Variants in NWD2 observed in about 807,000 individuals in gnomAD.
NWD2 encodes the protein NACHT and WD repeat domain containing 2.
Under a neutral mutation model 132.7 loss-of-function variants are expected in NWD2, and 37 were observed. The observed-to-expected ratio is 0.28, with a 90% confidence interval of 0.21 to 0.37. The LOEUF is 0.37. Among genes scored for constraint, NWD2 ranks in the 10% least tolerant of loss-of-function variants. NWD2 has a pLI of 1.00. For synonymous variants in NWD2, 705 were observed against 803.0 expected, an observed-to-expected ratio of 0.88 and a Z score of 2.06; for missense variants, 1,592 against 2,122.4, an observed-to-expected ratio of 0.75 and a Z score of 4.91.
At chr4:37,272,326 C>T (rs186498170) in intron 1 of NWD2, among the ~76,000 whole-genome samples, 78 of 151,770 alleles carry the variant, frequency 5.1e-4, no homozygotes, top group African/African-American at 1.8e-3. Flanking sequence ...AGAAGTGTTC[C>T]TACCACCTCT....
At chr4:37,328,087 C>T (rs916279545) in intron 2 of NWD2, among the ~76,000 whole-genome samples, 5 of 151,976 alleles carry the variant, frequency 3.3e-5, no homozygotes, top group African/African-American at 1.2e-4. Flanking sequence ...CCCTGTGGGC[C>T]TCTTTTGGAT....
chr4:37,315,671 C>T (rs1301232436), intron 1 of NWD2, among the ~76,000 whole-genome samples: 1 of 151,986 alleles, frequency 6.6e-6, no homozygotes, highest in Non-Finnish European at 1.5e-5. Context: ...AATATTTATT[C>T]CATTTTTATT....
chr4:37,265,201 A>G (rs74892297), intron 1 of NWD2, among the ~76,000 whole-genome samples: 4,262 of 152,200 alleles, frequency 0.028, 99 homozygotes, highest in East Asian at 0.1. Flanking sequence ...CAAGATCCAG[A>G]TATAAAATGA....
intron 1 of NWD2, among the ~76,000 whole-genome samples, chr4:37,280,913 C>T (rs1718114003): frequency 6.6e-6 from 1 of 152,162 alleles, no homozygotes; most frequent in Non-Finnish European, 1.5e-5. Flanking sequence ...TCCTTTCTCC[C>T]TGTGGCCTGG....
chr4:37,445,312 G>T lies in NWD2; in HGVS notation c.3324G>T (p.Leu1108=). ...WYEVTCVQCS[L]DGLYAFCGQY... Reference sequence around the variant, plus strand: ...AAGTGACGTGCGTCCAGTGCTCCCTGGATGGTCTGTATGCTTTCTGTGGCC... The same window carrying T: ...AAGTGACGTGCGTCCAGTGCTCCCTTGATGGTCTGTATGCTTTCTGTGGCC... Residue 1108 remains leucine (L), a synonymous_variant, in exon 7 of 7, where the codon CTG becomes CTT. Coordinates refer to ENST00000309447, the MANE Select transcript of NWD2 (RefSeq NM_001144990.2). The surrounding 1 kb of genome is among the most constrained non-coding windows in gnomAD (Gnocchi z 4.7). The T allele has an allele frequency of 1.3e-6, 2 of 1,552,096 alleles. No homozygotes were observed. The highest frequency in any genetic ancestry group is 1.7e-6 in the Non-Finnish European group (2 of 1,147,090).
At chr4:37,441,918 A>G (rs773189350) in intron 6 of NWD2, among the ~76,000 whole-genome samples, 2 of 152,196 alleles carry the variant, frequency 1.3e-5, no homozygotes, top group African/African-American at 2.4e-5. Context: ...CAGACATCAC[A>G]TGTTCAGCAA....
Position 37,448,483 on chromosome 4 carries a change from T to C in NWD2, c.*1266T>C, listed in dbSNP as rs1712702137. 6.6e-6 allele frequency: 1 copy of C among 152,236 alleles called. No homozygotes were observed. Among genetic ancestry groups the C allele is most frequent in the Admixed American group, 6.5e-5 (1 of 15,290 alleles). The allele number at this position is 152,236 out of a possible 1,614,324, so 9.4% of individuals were successfully genotyped here. A position where few individuals can be genotyped will look rare whatever the true frequency, so the allele number is the denominator to read the frequency against. ...GAATGGTATTAAATATTTTTTAAAA[T>C]TAATTCACCTGTTTAAAAGAAAACA... On this transcript the variant is annotated 3_prime_UTR_variant, in exon 7 of 7. Transcript: ENST00000309447.
At chr4:37,422,972 T>C (rs932540340) in intron 3 of NWD2, among the ~76,000 whole-genome samples, 1 of 148,664 alleles carries the variant, frequency 6.7e-6, no homozygotes, top group Non-Finnish European at 1.5e-5. Flanking sequence ...GTGTACACAT[T>C]GTAGGAAATT....
chr4:37,417,058 C>T (rs959088051), intron 3 of NWD2, among the ~76,000 whole-genome samples: 1 of 152,070 alleles, frequency 6.6e-6, no homozygotes, highest in African/African-American at 2.4e-5. Context: ...TTATTCAATG[C>T]CAATACCAGA....
intron 1 of NWD2, among the ~76,000 whole-genome samples, chr4:37,252,713 A>T (rs771372849): frequency 4.5e-4 from 68 of 152,172 alleles, no homozygotes; most frequent in Non-Finnish European, 7.8e-4. Context: ...CCATGAGGGT[A>T]TTCTCTCCAT....
intron 3 of NWD2, among the ~76,000 whole-genome samples, chr4:37,397,089 C>T (rs1720806394): frequency 6.6e-6 from 1 of 151,936 alleles, no homozygotes; most frequent in Non-Finnish European, 1.5e-5. Flanking sequence ...CCTCTCCAGT[C>T]TCCAGTCTTC....
chr4:37,266,751 G>A (rs1717759964), intron 1 of NWD2, among the ~76,000 whole-genome samples: 1 of 151,850 alleles, frequency 6.6e-6, no homozygotes, highest in South Asian at 2.1e-4. Context: ...ATTTTGTCCT[G>A]TTTTTCTTGC....
chr4:37,437,602 A>T (rs1056697285), intron 5 of NWD2, among the ~76,000 whole-genome samples: 6 of 152,228 alleles, frequency 3.9e-5, no homozygotes, highest in African/African-American at 1.4e-4. Flanking sequence ...TTCAATGAAG[A>T]GCAATTACAT....
At chr4:37,390,201 T>G (rs1408048306) in intron 3 of NWD2, among the ~76,000 whole-genome samples, 1 of 152,134 alleles carries the variant, frequency 6.6e-6, no homozygotes, top group Non-Finnish European at 1.5e-5. Context: ...TAGGGCAGTG[T>G]TTTTATACTG....
At chr4:37,400,038 G>C (rs1720871364) in intron 3 of NWD2, among the ~76,000 whole-genome samples, 1 of 152,174 alleles carries the variant, frequency 6.6e-6, no homozygotes, top group Non-Finnish European at 1.5e-5. Flanking sequence ...CTGGAGTTAA[G>C]ATTGTAGACT....
chr4:37,306,306 T>G (rs911032003), intron 1 of NWD2, among the ~76,000 whole-genome samples: 38 of 152,140 alleles, frequency 2.5e-4, no homozygotes, highest in Admixed American at 2.6e-4. Context: ...TCTTTAGTAC[T>G]TTAAGTCTTT....
chr4:37,377,380 T>G (rs1720366631), intron 3 of NWD2, among the ~76,000 whole-genome samples: 1 of 152,230 alleles, frequency 6.6e-6, no homozygotes, highest in Non-Finnish European at 1.5e-5. Context: ...TATGAAGACC[T>G]GCAAATGTCC....
At chr4:37,282,582 C>T (rs1481904292) in intron 1 of NWD2, among the ~76,000 whole-genome samples, 1 of 152,184 alleles carries the variant, frequency 6.6e-6, no homozygotes, top group Non-Finnish European at 1.5e-5. Context: ...TAGTCAACCA[C>T]AGTTCCATCA....
chr4:37,359,432 C>A (rs4576004), intron 3 of NWD2, among the ~76,000 whole-genome samples: 124 of 152,138 alleles, frequency 8.2e-4, no homozygotes, highest in African/African-American at 2.9e-3. Flanking sequence ...GTTGTAACTA[C>A]GGTGACAACT....
Sources: allele counts gnomAD v4.1 joint callset (sites outside exome capture counted in the v4.1 genomes callset), GRCh38; gene constraint gnomAD v4.1.1; non-coding constraint Gnocchi (gnomAD v3.1); transcripts MANE v1.5; gene names NCBI Gene and HGNC (gene_info 2026-07-23, HGNC 2026-07-21).